Variants in SLC12A8 observed in about 807,000 individuals in gnomAD.
SLC12A8 encodes solute carrier family 12 member 8.
SLC12A8 carries 69 observed loss-of-function variants against 75.6 expected under a neutral mutation model. The observed-to-expected ratio is 0.91, with a 90% CI of 0.75 to 1.11. SLC12A8 has a LOEUF of 1.11. Ranked by LOEUF, SLC12A8 falls within the 50% of genes most tolerant of loss-of-function variation. The pLI is 0.00. For missense variants in SLC12A8, 877 were observed against 896.7 expected (o/e 0.98, Z 0.28); for synonymous variants, 365 against 372.8 (o/e 0.98, Z 0.24).
chr3:125,164,522 G>A (rs1035200957), intron 5 of SLC12A8, among the ~76,000 whole-genome samples: 38 of 152,214 alleles, frequency 2.5e-4, no homozygotes, highest in Non-Finnish European at 4.6e-4. Context: ...AGTGCAGGTC[G>A]AGTGGGAAAT....
chr3:125,196,657 A>C (rs1261109757), intron 2 of SLC12A8, among the ~76,000 whole-genome samples: 1 of 152,226 alleles, frequency 6.6e-6, no homozygotes, highest in East Asian at 1.9e-4. Flanking sequence ...GGCCAGGCAC[A>C]GTGGCTCACA....
At chr3:125,159,766 G>A (rs909052873) in intron 5 of SLC12A8, among the ~76,000 whole-genome samples, 1 of 152,326 alleles carries the variant, frequency 6.6e-6, no homozygotes, top group Admixed American at 6.5e-5. Flanking sequence ...AGAGCAGCTC[G>A]CTCTCCCAAG....
chr3:125,187,177 T>C, intron 4 of SLC12A8, 60 bp downstream of exon 4: 1 of 1,556,344 alleles, frequency 6.4e-7, no homozygotes, highest in South Asian at 1.1e-5. Context: ...AGTGAGGAAA[T>C]GGACAAGAAG....
At chr3:125,138,210 T>C (rs1046887480) in intron 5 of SLC12A8, among the ~76,000 whole-genome samples, 2 of 152,132 alleles carry the variant, frequency 1.3e-5, no homozygotes, top group African/African-American at 4.8e-5. Flanking sequence ...GAAACCAGCC[T>C]GGCCAAAAGG....
At chr3:125,120,966 G>C (rs1342916975) in intron 6 of SLC12A8, 2 of 669,122 alleles carry the variant, frequency 3.0e-6, no homozygotes, top group African/African-American at 3.6e-5. Flanking sequence ...GCAACCAGGG[G>C]GGAGGAAAGC....
intron 5 of SLC12A8, among the ~76,000 whole-genome samples, chr3:125,159,423 A>G (rs911237265): frequency 1.3e-5 from 2 of 152,130 alleles, no homozygotes; most frequent in Non-Finnish European, 2.9e-5. Flanking sequence ...ATATAAATCC[A>G]TAAGAATGGG....
At chr3:125,102,617 G>C (rs1488887936) in intron 10 of SLC12A8, among the ~76,000 whole-genome samples, 1 of 152,168 alleles carries the variant, frequency 6.6e-6, no homozygotes, top group Non-Finnish European at 1.5e-5. Context: ...AGGCAGCAGG[G>C]AGTGGGAGAG....
intron 5 of SLC12A8, among the ~76,000 whole-genome samples, chr3:125,150,374 G>A (rs552653090): frequency 2.0e-5 from 3 of 152,290 alleles, no homozygotes; most frequent in Admixed American, 6.5e-5. Context: ...TGGTTATTTC[G>A]CAGTAAGGGG....
rs190571667 is a variant in SLC12A8, at chr3:125,120,034, G to A, written c.824+565C>T. 103 of 381,528 alleles carry A rather than the reference G, an allele frequency of 2.7e-4. 1 individual carries two copies. Among genetic ancestry groups the A allele is most frequent in the African/African-American group, 1.9e-3 (88 of 47,536 alleles). 23.6% of individuals were successfully genotyped at this position (381,528 alleles called of 1,614,324 possible). ...GAGCTGGAGGGGAGGCTCACTGGGG[G>A]AAGAAGAAGAGCTGGGTGCTGAGCT... On this transcript the variant is annotated intron_variant, in intron 7 of 13. Coordinates refer to ENST00000469902, the MANE Select transcript of SLC12A8 (RefSeq NM_024628.6).
intron 2 of SLC12A8, among the ~76,000 whole-genome samples, chr3:125,202,124 A>T (rs1195017059): frequency 6.6e-6 from 1 of 152,154 alleles, no homozygotes; most frequent in East Asian, 1.9e-4. Context: ...TGGCCAGGCT[A>T]GTCTCGAACT....
In SLC12A8 at chr3:125,187,219, C is replaced by T. The variant is rs775146434; in HGVS notation, c.390+18G>A. 12 of 1,606,922 alleles carry T rather than the reference C, an allele frequency of 7.5e-6. No homozygotes were observed. Among genetic ancestry groups the T allele is most frequent in the Admixed American group, 1.7e-5 (1 of 59,890 alleles). On this transcript the variant is annotated intron_variant, in intron 4 of 13. Transcript: ENST00000469902. Reference sequence around the variant, plus strand: ...GCAGAGGGCCAGGCAGGGGAAGCATCCCGGGCGCAGGCCTCACCTGTCCAA... The same window carrying T: ...GCAGAGGGCCAGGCAGGGGAAGCATTCCGGGCGCAGGCCTCACCTGTCCAA...
At chr3:125,108,814 G>A (rs548067385) in intron 9 of SLC12A8, among the ~76,000 whole-genome samples, 24 of 152,284 alleles carry the variant, frequency 1.6e-4, no homozygotes, top group South Asian at 4.1e-4. Flanking sequence ...GGCAGATTGC[G>A]GAAGACACAG....
At chr3:125,096,414 A>G (rs186837155) in intron 10 of SLC12A8, among the ~76,000 whole-genome samples, 437 of 152,280 alleles carry the variant, frequency 2.9e-3, no homozygotes, top group Non-Finnish European at 4.7e-3. Context: ...AAGCTCTACA[A>G]CAGCAAAAAC....
At chr3:125,181,784 T>A (rs79433589) in intron 4 of SLC12A8, among the ~76,000 whole-genome samples, 14 of 150,516 alleles carry the variant, frequency 9.3e-5, no homozygotes, top group Admixed American at 4.0e-4. Flanking sequence ...GCTGATCTTT[T>A]AAAAAAAAAT....
chr3:125,107,464 G>C lies in SLC12A8; in HGVS notation c.1705+17C>G. On this transcript the variant is annotated intron_variant, in intron 10 of 13. Coordinates refer to ENST00000469902, the MANE Select transcript of SLC12A8 (RefSeq NM_024628.6). Reference sequence around the variant, plus strand: ...ATCCCCAAATAAGAGGCCCCAGTGTGATACCAGAGCACTCACCTTCTCCAC... The same window carrying C: ...ATCCCCAAATAAGAGGCCCCAGTGTCATACCAGAGCACTCACCTTCTCCAC... The C allele has an allele frequency of 6.3e-7, 1 of 1,590,300 alleles. No homozygotes were observed. The highest frequency in any genetic ancestry group is 1.7e-4 in the Middle Eastern group (1 of 5,966).
intron 13 of SLC12A8, 142 bp downstream of exon 13, chr3:125,088,168 C>G (rs780203744): frequency 1.7e-5 from 12 of 716,466 alleles, no homozygotes; most frequent in Non-Finnish European, 2.9e-5. Context: ...GGAGCAACAT[C>G]TGAGTCTCCC....
At chr3:125,152,978 G>A (rs189368219) in intron 5 of SLC12A8, among the ~76,000 whole-genome samples, 23 of 152,254 alleles carry the variant, frequency 1.5e-4, no homozygotes, top group South Asian at 1.5e-3. Flanking sequence ...AAAGGGAGGC[G>A]GAACAGGTGT....
chr3:125,162,926 G>C (rs1409289812), intron 5 of SLC12A8, among the ~76,000 whole-genome samples: 1 of 151,978 alleles, frequency 6.6e-6, no homozygotes, highest in Admixed American at 6.6e-5. Context: ...CAGAAAAAGA[G>C]GAAGAGGAAA....
chr3:125,170,023 C>T (rs1934375235), intron 5 of SLC12A8, among the ~76,000 whole-genome samples: 1 of 141,814 alleles, frequency 7.1e-6, no homozygotes, highest in Non-Finnish European at 1.6e-5. Context: ...GAAAAAAATA[C>T]AAGTGGGAAT....
Sources: gnomAD v4.1 joint callset for allele counts (sites outside exome capture counted in the v4.1 genomes callset) on GRCh38, gnomAD v4.1.1 for gene constraint, MANE v1.5 for transcripts, NCBI Gene and HGNC (gene_info 2026-07-23, HGNC 2026-07-21) for gene names.